CLEC12A: variants seen among roughly 807,000 people sequenced by gnomAD.
CLEC12A encodes C-type lectin domain family 12 member A.
Under a neutral mutation model 26.5 loss-of-function variants are expected in CLEC12A, and 22 were observed. That is an observed-to-expected ratio of 0.83 (90% CI 0.59 to 1.19). The LOEUF (loss-of-function observed/expected upper bound fraction) is 1.19. CLEC12A is among the 50% of genes most tolerant of loss of function. CLEC12A has a pLI of 0.00. For missense variants in CLEC12A, 353 were observed against 315.6 expected (o/e 1.12, Z -0.90); for synonymous variants, 119 against 101.9 (o/e 1.17, Z -1.01).
downstream of CLEC12A, among the ~76,000 whole-genome samples, chr12:9,989,094 T>C (rs1864834640): frequency 6.6e-6 from 1 of 151,808 alleles, no homozygotes; most frequent in Non-Finnish European, 1.5e-5. Context: ...ACCATCATTC[T>C]CAGCAAAGTA....
chr12:9,998,280 A>T, downstream of CLEC12A: 1 of 1,613,224 alleles, frequency 6.2e-7, no homozygotes, highest in African/African-American at 1.3e-5. Context: ...GTCAACACTT[A>T]CACCAAATCC....
upstream of CLEC12A, among the ~76,000 whole-genome samples, chr12:9,969,443 C>A (rs1864050881): frequency 6.6e-6 from 1 of 152,198 alleles, no homozygotes; most frequent in Non-Finnish European, 1.5e-5. Context: ...GTAGTCATCT[C>A]AGAGCTCAGC....
At chr12:10,001,906 G>A in the CLEC12A span, among the ~76,000 whole-genome samples, 1 of 136,940 alleles carries the variant, frequency 7.3e-6, no homozygotes, top group Non-Finnish European at 1.5e-5. Flanking sequence ...TTGAGACTGA[G>A]TCTTGCTCTG....
chr12:9,974,480 C>T (rs1013651532), intron 1 of CLEC12A, among the ~76,000 whole-genome samples: 16 of 152,122 alleles, frequency 1.1e-4, no homozygotes, highest in Admixed American at 5.9e-4. Context: ...TTTCACATTT[C>T]CATAAGGAGT....
rs929407200 is a variant in CLEC12A at position 9,990,878 on chromosome 12, G to A, written n.1005-4140G>A. On this transcript the variant is annotated intron_variant and non_coding_transcript_variant, in intron 4 of 4. Coordinates refer to the CLEC12A transcript ENST00000449959. ...CAACCACTGCTGTGATCCATCAGCAGCCATCAACATCAAGGCAAGACGCTA... is the reference window on the plus strand; with the variant it reads ...CAACCACTGCTGTGATCCATCAGCAACCATCAACATCAAGGCAAGACGCTA... The A allele has an allele frequency of 3.3e-5, 5 of 152,160 alleles. No homozygotes were observed. The East Asian group carries it at 9.6e-4, about 29-fold the overall frequency. 9.4% of individuals were successfully genotyped at this position (152,160 alleles called of 1,614,324 possible).
chr12:9,980,836 G>T (rs1398768497), intron 4 of CLEC12A, 103 bp downstream of exon 4: 2 of 1,239,078 alleles, frequency 1.6e-6, no homozygotes, highest in Non-Finnish European at 2.2e-6. Flanking sequence ...TTCAGTTGGG[G>T]TGTGAAGTGA....
chr12:9,954,956 C>G (rs947408240), intron 1 of CLEC12A, among the ~76,000 whole-genome samples: 1 of 152,154 alleles, frequency 6.6e-6, no homozygotes, highest in Non-Finnish European at 1.5e-5. Context: ...GATTATAAGA[C>G]TATAAACCCA....
At chr12:9,966,060 C>A (rs941225474) in intron 1 of CLEC12A, among the ~76,000 whole-genome samples, 3 of 152,046 alleles carry the variant, frequency 2.0e-5, no homozygotes, top group Admixed American at 6.5e-5. Flanking sequence ...GGGAACTAGG[C>A]AGGTGGGGAT....
chr12:9,955,717 G>T (rs1863732805), intron 1 of CLEC12A, among the ~76,000 whole-genome samples: 1 of 152,114 alleles, frequency 6.6e-6, no homozygotes, highest in South Asian at 2.1e-4. Flanking sequence ...CAATGACATA[G>T]AAATTATTTT....
upstream of CLEC12A, among the ~76,000 whole-genome samples, chr12:9,970,337 G>A (rs1024916072): frequency 6.6e-6 from 1 of 151,988 alleles, no homozygotes; most frequent in South Asian, 2.1e-4. Context: ...TATAAAGGGA[G>A]CATTTTGTTT....
At position 9,985,001 on chromosome 12, in the gene CLEC12A, G is replaced by C; in HGVS notation, c.773G>C (p.Gly258Ala). ...AAGATGGCCAATCCAGTGCAGCTTG[G>C]TTCTACATATTTTAGGGAGGCATGA... is the stretch of plus-strand genomic sequence containing the variant. ...CEKMANPVQLGSTYFREA is the reference protein window; with the variant it reads ...CEKMANPVQLASTYFREA Residue 258 changes from glycine (G) to alanine (A), a missense_variant, in exon 6 of 6, where the codon GGT (glycine) becomes GCT (alanine). Transcript: ENST00000304361. 6.5e-7 allele frequency: 1 copy of C among 1,531,944 alleles called. No individual in the cohort carries two copies. The highest frequency in any genetic ancestry group is 1.3e-5 in the South Asian group (1 of 79,934). 94.9% of individuals were successfully genotyped at this position (1,531,944 alleles called of 1,614,324 possible). A position where few individuals can be genotyped will look rare whatever the true frequency, so the allele number is the denominator to read the frequency against.
chr12:9,962,267 T>C lies in CLEC12A; in HGVS notation c.11-9310T>C, dbSNP rs1422817215. Among the ~76,000 whole-genome samples the C allele has an allele frequency of 2.6e-5, 4 of 151,342 alleles. No homozygotes were observed. In the East Asian group the frequency reaches 5.8e-4, roughly 22 times the overall value. ...ACCGGTTTTTTCTTTTTTTTTTTTT[T>C]TTTTGGATCCCAAGTGTGTGTTTCT... is the stretch of plus-strand genomic sequence containing the variant. On this transcript the variant is annotated intron_variant, in intron 1 of 6. Coordinates refer to the CLEC12A transcript ENST00000355690.
Position 9,982,113 on chromosome 12 carries a change from A to G in CLEC12A, c.625A>G (p.Ile209Val). ...TCGTGGTATGAGAGTGGATAATATA[A>G]TCAACTCCTCTGCCTGGTAAGTGTC... ...STRGMRVDNI[I>V]NSSAWVIRNA... Residue 209 changes from isoleucine (I) to valine (V), a missense_variant, in exon 5 of 6, where the codon ATC (isoleucine) becomes GTC (valine). Transcript: ENST00000304361. 1 of 1,561,476 alleles carries G rather than the reference A, an allele frequency of 6.4e-7. No individual in the cohort carries two copies.
At chr12:9,979,834 C>T (rs1555142581) in intron 3 of CLEC12A, among the ~76,000 whole-genome samples, 1 of 152,132 alleles carries the variant, frequency 6.6e-6, no homozygotes, top group Non-Finnish European at 1.5e-5. Context: ...TAATAGAAGA[C>T]AGGGAGGAAG....
intron 1 of CLEC12A, among the ~76,000 whole-genome samples, chr12:9,974,057 C>T (rs569598691): frequency 1.4e-4 from 22 of 152,286 alleles, no homozygotes; most frequent in South Asian, 1.2e-3. Flanking sequence ...TCTCAACCAA[C>T]TCTATTAGGC....
At chr12:9,999,748 A>G (rs1366478421), downstream of CLEC12A, among the ~76,000 whole-genome samples, 1 of 152,222 alleles carries the variant, frequency 6.6e-6, no homozygotes, top group Non-Finnish European at 1.5e-5. Context: ...AAAACTATCA[A>G]ATCAAGTAAA....
At chr12:9,970,043 A>G (rs1864068974), upstream of CLEC12A, among the ~76,000 whole-genome samples, 1 of 152,244 alleles carries the variant, frequency 6.6e-6, no homozygotes, top group Admixed American at 6.5e-5. Context: ...TTTCCTTTAA[A>G]TGTGGCTGCC....
At chr12:9,958,551 C>T (rs1348324628) in intron 1 of CLEC12A, among the ~76,000 whole-genome samples, 1 of 152,176 alleles carries the variant, frequency 6.6e-6, no homozygotes, top group African/African-American at 2.4e-5. Context: ...TCAGTACTGA[C>T]TGAGTGGTTA....
chr12:9,991,051 C>T (rs1229098089), intron 4 of CLEC12A: 15 of 152,200 alleles, frequency 9.9e-5, no homozygotes, highest in Admixed American at 9.8e-4. Context: ...ATAACTTTTA[C>T]ACGAATTGGG....
Sources: gnomAD v4.1 joint callset for allele counts (sites outside exome capture counted in the v4.1 genomes callset) on GRCh38, gnomAD v4.1.1 for gene constraint, MANE v1.5 for transcripts, NCBI Gene and HGNC (gene_info 2026-07-23, HGNC 2026-07-21) for gene names.